The following CRLF3 variants were observed in gnomAD, a reference collection of about 807,000 sequenced individuals.
CRLF3 encodes the protein cytokine receptor like factor 3, also known as cytokine receptor-like factor 3.
A neutral mutation model predicts 55.0 loss-of-function variants in CRLF3; 33 were observed. The ratio of observed to expected loss-of-function variants is 0.60; its 90% CI spans 0.46 to 0.80. The LOEUF is 0.80. CRLF3 is among the 30% of genes least tolerant of loss of function. The pLI is 0.00. For synonymous variants in CRLF3, 238 were observed against 196.8 expected, an observed-to-expected ratio of 1.21 and a Z score of -1.75; for missense variants, 494 against 538.4, an observed-to-expected ratio of 0.92 and a Z score of 0.82.
At position 30,783,160 on chromosome 17, in the gene CRLF3, G is replaced by A. The variant is rs1442934640; in HGVS notation, c.*1027C>T. On this transcript the variant is annotated 3_prime_UTR_variant, in exon 8 of 8. Coordinates refer to ENST00000324238, the MANE Select transcript of CRLF3 (RefSeq NM_015986.4). ...TGTCACAGGCAGATTGGATACACAC[G>A]TGCATATTACATACATATGAAATGG... 2.0e-5 allele frequency: 3 copies of A among 152,140 alleles called. No homozygotes were observed. Among genetic ancestry groups the A allele is most frequent in the Non-Finnish European group, 4.4e-5 (3 of 68,036 alleles). The allele number at this position is 152,140 out of a possible 1,614,324, so 9.4% of individuals were successfully genotyped here.
intron 1 of CRLF3, among the ~76,000 whole-genome samples, chr17:30,818,689 G>A (rs1904887820): frequency 6.6e-6 from 1 of 151,578 alleles, no homozygotes; most frequent in Non-Finnish European, 1.5e-5. Flanking sequence ...CCTGACCTCA[G>A]GTGATCCGCC....
intron 5 of CRLF3, 176 bp from the exon 6 acceptor site, chr17:30,792,748 G>T: frequency 6.4e-6 from 3 of 467,704 alleles, no homozygotes; most frequent in Non-Finnish European, 1.1e-5. Context: ...AATTACAAAA[G>T]ATTTTAGTAT....
At chr17:30,795,713 G>A (rs1055573782) in intron 4 of CRLF3, among the ~76,000 whole-genome samples, 1 of 151,840 alleles carries the variant, frequency 6.6e-6, no homozygotes, top group Non-Finnish European at 1.5e-5. Flanking sequence ...AGGCGAGTGG[G>A]TCACCTGAGG....
chr17:30,786,130 G>GT, intron 6 of CRLF3, 99 bp from the exon 7 acceptor site: 1 of 711,170 alleles, frequency 1.4e-6, no homozygotes, highest in East Asian at 2.5e-5. Flanking sequence ...CACCACAATT[G>GT]TTTTTTTCTA....
At chr17:30,805,646 G>A (rs1377201769) in intron 1 of CRLF3, among the ~76,000 whole-genome samples, 2 of 148,610 alleles carry the variant, frequency 1.3e-5, no homozygotes, top group South Asian at 2.1e-4. Flanking sequence ...CCCGGGAGGC[G>A]AAGGTTCCAG....
chr17:30,815,055 A>G (rs1904746267), intron 1 of CRLF3, among the ~76,000 whole-genome samples: 1 of 148,496 alleles, frequency 6.7e-6, no homozygotes, highest in African/African-American at 2.5e-5. Flanking sequence ...ACATTCACAC[A>G]CATTTTTTTC....
intron 6 of CRLF3, among the ~76,000 whole-genome samples, chr17:30,788,868 A>C (rs1971716481): frequency 2.0e-5 from 3 of 151,676 alleles, no homozygotes; most frequent in Admixed American, 1.3e-4. Context: ...AGCCTCCCAA[A>C]GTGCTGGGAT....
intron 2 of CRLF3, among the ~76,000 whole-genome samples, chr17:30,801,845 C>T (rs1972011620): frequency 6.6e-6 from 1 of 151,934 alleles, no homozygotes; most frequent in Admixed American, 6.6e-5. Context: ...CACTCTGCTG[C>T]TTAAAATGCT....
chr17:30,796,750 G>T (rs1337511291), intron 3 of CRLF3, among the ~76,000 whole-genome samples: 7 of 146,338 alleles, frequency 4.8e-5, no homozygotes, highest in African/African-American at 1.0e-4. Flanking sequence ...TTCAGACAGA[G>T]TCTCACTCTG....
At chr17:30,823,322 G>A (rs1905050568) in intron 1 of CRLF3, among the ~76,000 whole-genome samples, 1 of 151,684 alleles carries the variant, frequency 6.6e-6, no homozygotes, top group Admixed American at 6.6e-5. Context: ...CCGAGATAGT[G>A]CCACTGCACT....
intron 1 of CRLF3, among the ~76,000 whole-genome samples, chr17:30,815,989 A>C (rs1427293837): frequency 6.6e-6 from 1 of 151,220 alleles, no homozygotes; most frequent in East Asian, 1.9e-4. Context: ...AAAAAAAAAA[A>C]AGACAATTTG....
Position 30,785,970 on chromosome 17 carries a change from C to A in CRLF3, c.1021G>T (p.Asp341Tyr). 1 of 1,613,358 alleles carries A rather than the reference C, an allele frequency of 6.2e-7. No homozygotes were observed. The highest frequency in any genetic ancestry group is 2.2e-5 in the East Asian group (1 of 44,864). Residue 341 changes from aspartate to tyrosine, a missense_variant, in exon 7 of 8, where the codon GAT (aspartate) becomes TAT (tyrosine). Physicochemically the swap from Asp to Tyr is radical, Grantham distance 160 (BLOSUM62 -3). Transcript: ENST00000324238. ...TCCCGCTGCAGAGAGTCATATCCAT[C>A]CTGTTTTTCTGCACACACTCCTATG... ...DSIGVCAEKQ[D>Y]GYDSLQRDQA... is the part of the protein sequence containing the mutation.
intron 1 of CRLF3, among the ~76,000 whole-genome samples, chr17:30,808,598 A>G (rs1460472057): frequency 7.5e-6 from 1 of 133,174 alleles, no homozygotes; most frequent in Non-Finnish European, 1.6e-5. Context: ...AAACCTGTAT[A>G]TATATATATT....
chr17:30,793,252 AT>A (rs58658760), intron 5 of CRLF3, among the ~76,000 whole-genome samples, 197 bp downstream of exon 5: 1 of 151,800 alleles, frequency 6.6e-6, no homozygotes, highest in South Asian at 2.1e-4. Flanking sequence ...CTTGTCCAGC[AT>A]TTTTTTTGGA....
At chr17:30,823,957 A>G (rs1317259437) in intron 1 of CRLF3, among the ~76,000 whole-genome samples, 1 of 152,134 alleles carries the variant, frequency 6.6e-6, no homozygotes, top group Non-Finnish European at 1.5e-5. Flanking sequence ...ATTTTTTAAA[A>G]AGCATTCAAG....
At chr17:30,816,735 C>T (rs938601253) in intron 1 of CRLF3, among the ~76,000 whole-genome samples, 3 of 152,024 alleles carry the variant, frequency 2.0e-5, no homozygotes, top group African/African-American at 7.3e-5. Context: ...GAGATCTTCC[C>T]GTCTTGGCCT....
chr17:30,797,247 G>A (rs1251782525), intron 3 of CRLF3, 64 bp downstream of exon 3: 1 of 1,098,042 alleles, frequency 9.1e-7, no homozygotes, highest in Non-Finnish European at 1.4e-6. Context: ...TGAACAGAGG[G>A]AGGAAAAAAG....
At chr17:30,789,742 T>C (rs1166154562) in intron 6 of CRLF3, among the ~76,000 whole-genome samples, 3 of 152,168 alleles carry the variant, frequency 2.0e-5, no homozygotes, top group African/African-American at 7.2e-5. Context: ...AGACAGTACA[T>C]GGCACATAGT....
At chr17:30,820,736 G>A (rs901435799) in intron 1 of CRLF3, among the ~76,000 whole-genome samples, 19 of 150,270 alleles carry the variant, frequency 1.3e-4, no homozygotes, top group African/African-American at 4.7e-4. Context: ...AGGTTGCAGT[G>A]AGCCTAAGGT....
Sources: gnomAD v4.1 joint callset for allele counts (sites outside exome capture counted in the v4.1 genomes callset) on GRCh38, gnomAD v4.1.1 for gene constraint, MANE v1.5 for transcripts, NCBI Gene and HGNC (gene_info 2026-07-23, HGNC 2026-07-21) for gene names.